Variants in SLCO3A1 observed in about 807,000 individuals in gnomAD.
SLCO3A1 encodes the protein PGE1 transporter.
A neutral mutation model predicts 63.1 loss-of-function variants in SLCO3A1; 27 were observed. That is an observed-to-expected ratio of 0.43 (90% CI 0.32 to 0.59). SLCO3A1 has a LOEUF of 0.59. Ranked by LOEUF, SLCO3A1 falls within the 20% of genes least tolerant of loss-of-function variation. The pLI is 0.09. For missense variants in SLCO3A1, 773 were observed against 945.8 expected, an observed-to-expected ratio of 0.82 and a Z score of 2.40; for synonymous variants, 473 against 409.9, an observed-to-expected ratio of 1.15 and a Z score of -1.86.
At chr15:91,892,832 C>T (rs1342479705) in intron 1 of SLCO3A1, among the ~76,000 whole-genome samples, 3 of 152,098 alleles carry the variant, frequency 2.0e-5, no homozygotes, top group South Asian at 2.1e-4. Flanking sequence ...TTTCCTTGTA[C>T]GTAAAATGGG....
chr15:92,154,500 G>A (rs2048347267), intron 9 of SLCO3A1, among the ~76,000 whole-genome samples: 1 of 152,242 alleles, frequency 6.6e-6, no homozygotes, highest in African/African-American at 2.4e-5. Flanking sequence ...TGTGGCCAGT[G>A]TCTGCCATAC....
At chr15:92,017,160 C>A (rs1197146420) in intron 2 of SLCO3A1, among the ~76,000 whole-genome samples, 1 of 152,192 alleles carries the variant, frequency 6.6e-6, no homozygotes, top group Non-Finnish European at 1.5e-5. Context: ...CAAACATTAG[C>A]AGCTTCAGCT....
chr15:91,952,323 A>C (rs1337765120), intron 2 of SLCO3A1, among the ~76,000 whole-genome samples: 1 of 152,246 alleles, frequency 6.6e-6, no homozygotes, highest in Admixed American at 6.5e-5. Context: ...TTAAGTATAC[A>C]TTCAAACTAG....
chr15:92,033,953 G>A lies in SLCO3A1; in HGVS notation c.647-60928G>A, dbSNP rs1296078321. On this transcript the variant is annotated intron_variant, in intron 2 of 9. Transcript: ENST00000318445. This position sits in a 1 kb window ranked among gnomAD's most constrained non-coding sequence, Gnocchi z 4.5. ...CAGGCGCATGGGTGGGACCCAGTGA[G>A]GGAGGGGGAGGAGCAGAATGAATGG... is the stretch of plus-strand genomic sequence containing the variant. 6.6e-6 allele frequency among the ~76,000 whole-genome samples: 1 copy of A among 152,026 alleles called. No homozygotes were observed. Among genetic ancestry groups the A allele is most frequent in the Non-Finnish European group, 1.5e-5 (1 of 68,000 alleles).
At chr15:91,951,170 A>G (rs914988939) in intron 2 of SLCO3A1, among the ~76,000 whole-genome samples, 1 of 152,138 alleles carries the variant, frequency 6.6e-6, no homozygotes, top group Admixed American at 6.5e-5. Flanking sequence ...CCATTATCTA[A>G]TTCTACAACA....
intron 2 of SLCO3A1, among the ~76,000 whole-genome samples, chr15:92,007,401 A>T (rs971537561): frequency 4.6e-5 from 7 of 152,216 alleles, no homozygotes; most frequent in Non-Finnish European, 1.0e-4. Flanking sequence ...GTCCTCTCTT[A>T]CGTTGAATCG....
Position 92,094,931 on chromosome 15 carries a change from G to C in SLCO3A1, c.697G>C (p.Gly233Arg). Residue 233 changes from glycine (G) to arginine (R), a missense_variant, in exon 3 of 10, where the codon GGC becomes CGC. This residue lies in a region of SLCO3A1 where 565 missense variants were observed against 749.8 expected (regional missense o/e 0.75). Coordinates refer to ENST00000318445, the MANE Select transcript of SLCO3A1 (RefSeq NM_013272.4). Reference sequence around the variant, plus strand: ...TGGACCAGCCTGCGGGTTTATCCTGGGCTCTTTCTGTACCAAAATCTACGT... The same window carrying C: ...TGGACCAGCCTGCGGGTTTATCCTGCGCTCTTTCTGTACCAAAATCTACGT... ...VFGPACGFIL[G>R]SFCTKIYVDA... 1 of 1,613,810 alleles carries C rather than the reference G, an allele frequency of 6.2e-7. No homozygotes were observed. Among genetic ancestry groups the C allele is most frequent in the Non-Finnish European group, 8.5e-7 (1 of 1,179,764 alleles).
intron 4 of SLCO3A1, among the ~76,000 whole-genome samples, chr15:92,117,468 C>T (rs948667984): frequency 6.6e-6 from 1 of 152,188 alleles, no homozygotes; most frequent in African/African-American, 2.4e-5. Context: ...TGTCCCCAGC[C>T]TGCCTATTTG....
chr15:91,899,444 C>G (rs1323274195), intron 1 of SLCO3A1, among the ~76,000 whole-genome samples: 1 of 152,148 alleles, frequency 6.6e-6, no homozygotes, highest in Non-Finnish European at 1.5e-5. Context: ...TTATCATAAC[C>G]TAACAACATT....
At chr15:91,991,990 G>C (rs777034002) in intron 2 of SLCO3A1, among the ~76,000 whole-genome samples, 3 of 152,230 alleles carry the variant, frequency 2.0e-5, no homozygotes, top group Admixed American at 6.5e-5. Flanking sequence ...GATGGCACCA[G>C]AGTGATAATT....
intron 9 of SLCO3A1, chr15:92,157,340 A>C (rs2048383420): frequency 1.3e-5 from 2 of 152,192 alleles, no homozygotes; most frequent in African/African-American, 4.8e-5. Context: ...AAAGAAATAC[A>C]CCACCATCAT....
intron 2 of SLCO3A1, among the ~76,000 whole-genome samples, chr15:92,006,210 G>A (rs12148486): frequency 0.14 from 21,460 of 152,126 alleles, 1,576 homozygotes; most frequent in African/African-American, 0.16. Context: ...TAAAAATTTT[G>A]CATCCTTTCT....
At chr15:92,069,141 A>G (rs560345861) in intron 2 of SLCO3A1, among the ~76,000 whole-genome samples, 66 of 117,396 alleles carry the variant, frequency 5.6e-4, no homozygotes, top group Non-Finnish European at 8.6e-4. Context: ...ACATTTGCCA[A>G]TAGCTGGAGA....
intron 7 of SLCO3A1, among the ~76,000 whole-genome samples, chr15:92,128,692 T>C (rs943376527): frequency 1.3e-5 from 2 of 152,150 alleles, no homozygotes; most frequent in South Asian, 2.1e-4. Context: ...GGAAGTCTCA[T>C]TGTGCAACTG....
intron 7 of SLCO3A1, among the ~76,000 whole-genome samples, chr15:92,136,961 AGTCT>A (rs1221701160): frequency 1.5e-5 from 2 of 134,632 alleles, no homozygotes; most frequent in East Asian, 2.3e-4. Context: ...TGGACCAAGT[AGTCT>A]GTCTTTTTTT....
intron 4 of SLCO3A1, among the ~76,000 whole-genome samples, chr15:92,117,783 T>A (rs1022567840): frequency 1.3e-5 from 2 of 152,190 alleles, no homozygotes; most frequent in Non-Finnish European, 2.9e-5. Context: ...ACTTGTAACA[T>A]CCAAGGGGCT....
At chr15:92,000,383 A>G (rs2046239002) in intron 2 of SLCO3A1, among the ~76,000 whole-genome samples, 1 of 151,030 alleles carries the variant, frequency 6.6e-6, no homozygotes, top group Non-Finnish European at 1.5e-5. Context: ...TAACTCTGTA[A>G]TGTTTTTTTC....
In SLCO3A1 at chr15:91,941,735, C is replaced by T. The variant is rs1899630059; in HGVS notation, c.646+25277C>T. ...TTTTATGTTTAAAATATCTTCTATT[C>T]ATTAACCTTCATGGAGCTTGTCTGT... On this transcript the variant is annotated intron_variant, in intron 2 of 9. Coordinates refer to ENST00000318445, the MANE Select transcript of SLCO3A1 (RefSeq NM_013272.4). The surrounding 1 kb of genome is among the most constrained non-coding windows in gnomAD (Gnocchi z 4.4). 6.6e-6 allele frequency among the ~76,000 whole-genome samples: 1 copy of T among 152,092 alleles called. No homozygotes were observed. The highest frequency in any genetic ancestry group is 2.4e-5 in the African/African-American group (1 of 41,384).
chr15:92,004,752 G>T (rs952305632), intron 2 of SLCO3A1, among the ~76,000 whole-genome samples: 3 of 152,190 alleles, frequency 2.0e-5, no homozygotes, highest in African/African-American at 7.2e-5. Context: ...TCTCCCAATT[G>T]TCCCTCAAAT....
Sources: allele counts gnomAD v4.1 joint callset (sites outside exome capture counted in the v4.1 genomes callset), GRCh38; gene constraint gnomAD v4.1.1; regional missense constraint gnomAD v4.1.1; non-coding constraint Gnocchi (gnomAD v3.1); transcripts MANE v1.5; gene names NCBI Gene and HGNC (gene_info 2026-07-23, HGNC 2026-07-21).